Variants in RNF220 observed in about 807,000 individuals in gnomAD.
RNF220 encodes E3 ubiquitin-protein ligase RNF220.
Under a neutral mutation model 67.1 loss-of-function variants are expected in RNF220, and 7 were observed. The ratio of observed to expected loss-of-function variants is 0.10; its 90% CI spans 0.06 to 0.20. The LOEUF (loss-of-function observed/expected upper bound fraction) is 0.20, where lower values mean the gene tolerates loss of function less well. Ranked by LOEUF, RNF220 falls within the 10% of genes least tolerant of loss-of-function variation. The pLI is 1.00. For synonymous variants in RNF220, 270 were observed against 283.2 expected (o/e 0.95, Z 0.47); for missense variants, 565 against 740.3 (o/e 0.76, Z 2.75).
At chr1:44,512,832 G>A (rs1023421872) in intron 2 of RNF220, among the ~76,000 whole-genome samples, 1 of 152,088 alleles carries the variant, frequency 6.6e-6, no homozygotes, top group Non-Finnish European at 1.5e-5. Flanking sequence ...GTGGCACAGG[G>A]GCCTCACCCT....
chr1:44,603,992 A>G (rs916365293), intron 2 of RNF220, among the ~76,000 whole-genome samples: 6 of 152,232 alleles, frequency 3.9e-5, no homozygotes, highest in African/African-American at 1.4e-4. Flanking sequence ...TTATAAGCCC[A>G]TCGTCAGAAC....
At chr1:44,512,271 A>G (rs1659072942) in intron 2 of RNF220, among the ~76,000 whole-genome samples, 1 of 152,240 alleles carries the variant, frequency 6.6e-6, no homozygotes, top group Middle Eastern at 3.2e-3. Flanking sequence ...GGAACAATTC[A>G]GGAACCTGAA....
chr1:44,559,583 C>CG (rs1032455514), intron 2 of RNF220, among the ~76,000 whole-genome samples: 3 of 152,250 alleles, frequency 2.0e-5, no homozygotes, highest in South Asian at 4.2e-4. Context: ...GGGGGCATCC[C>CG]GGGGGAGACT....
At chr1:44,559,413 G>A (rs1663379808) in intron 2 of RNF220, among the ~76,000 whole-genome samples, 1 of 152,286 alleles carries the variant, frequency 6.6e-6, no homozygotes, top group African/African-American at 2.4e-5. Context: ...GAACAGATAA[G>A]TGAAGAGCAA....
chr1:44,482,823 G>A (rs1320441907), intron 2 of RNF220, among the ~76,000 whole-genome samples: 1 of 150,218 alleles, frequency 6.7e-6, no homozygotes, highest in Non-Finnish European at 1.5e-5. Flanking sequence ...GTTTCACTAT[G>A]TTGGCCAGGA....
At chr1:44,442,280 C>G (rs1180430359) in intron 2 of RNF220, among the ~76,000 whole-genome samples, 1 of 151,966 alleles carries the variant, frequency 6.6e-6, no homozygotes, top group Non-Finnish European at 1.5e-5. Flanking sequence ...GTAGCTGGGA[C>G]TTCAGGTGTG....
At position 44,412,215 on chromosome 1, in the gene RNF220, A is replaced by G. The variant is rs1424123306; in HGVS notation, c.118A>G (p.Ile40Val). The G allele has an allele frequency of 1.9e-6, 3 of 1,614,118 alleles. No individual in the cohort carries two copies. The highest frequency in any genetic ancestry group is 3.3e-5 in the Admixed American group (2 of 60,024). The change falls in exon 2 of 15, where the codon ATC (isoleucine) becomes GTC (valine). Residue 40 changes from isoleucine (I) to valine (V), a missense_variant. Physicochemically the swap from Ile to Val is conservative, Grantham distance 29. Transcript: ENST00000361799. This position sits in a 1 kb window ranked among gnomAD's most constrained non-coding sequence, Gnocchi z 5.3. ...GGCTGAGGCCAGCCGTGATGCTTCC[A>G]TCCCTTGTCAGCAGCCACGACCCTT... The part of the protein sequence containing the change: ...STAEASRDAS[I>V]PCQQPRPFGV...
At chr1:44,415,281 G>T (rs1648406510) in intron 2 of RNF220, among the ~76,000 whole-genome samples, 5 of 151,816 alleles carry the variant, frequency 3.3e-5, no homozygotes, top group Non-Finnish European at 5.9e-5. Context: ...TGCCTTTCAG[G>T]TCCTCCCTAC....
In RNF220 at chr1:44,650,707, G is replaced by A. The variant is rs374891479; in HGVS notation, c.1633G>A (p.Ala545Thr). 19 of 1,613,820 alleles carry A rather than the reference G, an allele frequency of 1.2e-5. No homozygotes were observed. Among genetic ancestry groups the A allele is most frequent in the Non-Finnish European group, 1.5e-5 (18 of 1,179,962 alleles). ...CEECWLRTLG[A>T]KKLCPQCNTI... is the part of the protein sequence containing the mutation. Reference sequence around the variant, plus strand: ...GCCCTCCCTGTTCTCCCTGCAGGGTGCCAAGAAGCTCTGCCCTCAGTGCAA... The same window carrying A: ...GCCCTCCCTGTTCTCCCTGCAGGGTACCAAGAAGCTCTGCCCTCAGTGCAA... Residue 545 changes from alanine (A) to threonine (T), a missense_variant, in exon 15 of 15, where the codon GCC becomes ACC. Coordinates refer to ENST00000361799, the MANE Select transcript of RNF220 (RefSeq NM_018150.4). This position sits in a 1 kb window ranked among gnomAD's most constrained non-coding sequence, Gnocchi z 4.3.
intron 2 of RNF220, among the ~76,000 whole-genome samples, chr1:44,597,468 G>GCACACACACACACACA: frequency 7.4e-6 from 1 of 135,650 alleles, no homozygotes; most frequent in South Asian, 2.7e-4. Context: ...TCTCTCTCAT[G>GCACACACACACACACA]CACACACACA....
At chr1:44,468,640 G>A (rs925672118) in intron 2 of RNF220, among the ~76,000 whole-genome samples, 5 of 152,212 alleles carry the variant, frequency 3.3e-5, no homozygotes, top group Admixed American at 6.5e-5. Flanking sequence ...TAGGCCAGGC[G>A]CAGTGGCTCA....
Position 44,485,006 on chromosome 1 carries a change from G to A in RNF220, c.625+72284G>A, listed in dbSNP as rs1656158049. Among the ~76,000 whole-genome samples, 3 of 152,164 alleles carry A rather than the reference G, an allele frequency of 2.0e-5. No individual in the cohort carries two copies. The South Asian group carries it at 6.2e-4, about 32-fold the overall frequency. On this transcript the variant is annotated intron_variant, in intron 2 of 14. Coordinates refer to ENST00000361799, the MANE Select transcript of RNF220 (RefSeq NM_018150.4). Reference sequence around the variant, plus strand: ...AAAATACAAAAAATTAGCTGGGCATGGTGGCACGTGCCTGTAGTCCCAGCT... The same window carrying A: ...AAAATACAAAAAATTAGCTGGGCATAGTGGCACGTGCCTGTAGTCCCAGCT...
chr1:44,628,177 G>A (rs1458265081), intron 5 of RNF220, among the ~76,000 whole-genome samples: 3 of 152,248 alleles, frequency 2.0e-5, no homozygotes, highest in South Asian at 4.1e-4. Flanking sequence ...CAGAGGAATA[G>A]ACAGCCCCAC....
rs1409935318 is a variant in RNF220, at chr1:44,650,237, C to T, written c.1629+280C>T. 3 of 551,792 alleles carry T rather than the reference C, an allele frequency of 5.4e-6. No homozygotes were observed. The highest frequency in any genetic ancestry group is 3.8e-5 in the African/African-American group (2 of 52,908). 34.2% of individuals were successfully genotyped at this position (551,792 alleles called of 1,614,324 possible). The stretch of plus-strand genomic sequence containing the variant: ...CACTGCATCACACAGACTGGTGAGG[C>T]CTGGGGTCAGGAGGAGGCTGGCTGT... On this transcript the variant is annotated intron_variant, in intron 14 of 14. Transcript: ENST00000361799. This position sits in a 1 kb window ranked among gnomAD's most constrained non-coding sequence, Gnocchi z 4.3.
chr1:44,475,147 A>G (rs953675076), intron 2 of RNF220, among the ~76,000 whole-genome samples: 2 of 152,226 alleles, frequency 1.3e-5, no homozygotes, highest in Admixed American at 1.3e-4. Flanking sequence ...TAAAAACTAA[A>G]ATTGTAGACA....
intron 2 of RNF220, among the ~76,000 whole-genome samples, chr1:44,425,123 C>T (rs1410139142): frequency 6.6e-6 from 1 of 152,192 alleles, no homozygotes; most frequent in Non-Finnish European, 1.5e-5. Flanking sequence ...GCAGCTGCCA[C>T]CGGGTAGAAG....
intron 2 of RNF220, among the ~76,000 whole-genome samples, chr1:44,580,300 G>T (rs1665174817): frequency 6.6e-6 from 1 of 152,104 alleles, no homozygotes; most frequent in South Asian, 2.1e-4. Flanking sequence ...ATAGAAAATG[G>T]GCCTAATGTT....
chr1:44,506,815 C>T (rs1302905274), intron 2 of RNF220, among the ~76,000 whole-genome samples: 4 of 152,122 alleles, frequency 2.6e-5, no homozygotes, highest in East Asian at 1.9e-4. Flanking sequence ...CGTTCTGCCT[C>T]GGTTTCATCT....
intron 5 of RNF220, 80 bp from the exon 6 acceptor site, chr1:44,632,263 G>C (rs1305237180): frequency 3.7e-6 from 6 of 1,613,620 alleles, no homozygotes; most frequent in Non-Finnish European, 5.1e-6. Context: ...GGGGTCCGGT[G>C]CTGGGGCGGG....
Sources: allele counts gnomAD v4.1 joint callset (sites outside exome capture counted in the v4.1 genomes callset), GRCh38; gene constraint gnomAD v4.1.1; non-coding constraint Gnocchi (gnomAD v3.1); transcripts MANE v1.5; gene names NCBI Gene and HGNC (gene_info 2026-07-23, HGNC 2026-07-21).